LRMDA: variants seen among roughly 807,000 people sequenced by gnomAD.
The protein encoded by LRMDA is leucine rich melanocyte differentiation associated, also known as leucine-rich melanocyte differentiation-associated protein.
In LRMDA, 18 loss-of-function variants were observed where a neutral mutation model predicts 29.8. The ratio of observed to expected loss-of-function variants is 0.60; its 90% confidence interval spans 0.42 to 0.90. LRMDA has a LOEUF of 0.90. Ranked by LOEUF, LRMDA falls within the 40% of genes least tolerant of loss-of-function variation. The pLI, the probability that LRMDA is intolerant of heterozygous loss-of-function variation, is 0.00. For missense variants in LRMDA, 273 were observed against 273.9 expected, an observed-to-expected ratio of 1.00 and a Z score of 0.02; for synonymous variants, 125 against 109.4, an observed-to-expected ratio of 1.14 and a Z score of -0.89.
intron 5 of LRMDA, among the ~76,000 whole-genome samples, chr10:76,074,784 T>C (rs1184054196): frequency 6.6e-6 from 1 of 152,178 alleles, no homozygotes; most frequent in African/African-American, 2.4e-5. Flanking sequence ...TGATGTGTTA[T>C]GGAAAGAATA....
At chr10:75,767,583 C>T (rs1284404494) in intron 2 of LRMDA, among the ~76,000 whole-genome samples, 1 of 152,154 alleles carries the variant, frequency 6.6e-6, no homozygotes, top group East Asian at 1.9e-4. Flanking sequence ...GACTGTCATT[C>T]ATTCATCTGC....
chr10:76,100,685 T>C (rs930446036), intron 5 of LRMDA, among the ~76,000 whole-genome samples: 9 of 152,218 alleles, frequency 5.9e-5, no homozygotes, highest in Non-Finnish European at 1.3e-4. Context: ...TCAGATACAG[T>C]ATGCCCCCAG....
intron 2 of LRMDA, among the ~76,000 whole-genome samples, chr10:75,692,218 AAATAT>A (rs1235345923): frequency 0.053 from 2,332 of 43,882 alleles, 53 homozygotes; most frequent in African/African-American, 0.13. Flanking sequence ...GAAAAAAAAA[AAATAT>A]ATATATATAT....
chr10:76,473,023 T>C (rs1842633526), intron 6 of LRMDA, among the ~76,000 whole-genome samples: 1 of 151,648 alleles, frequency 6.6e-6, no homozygotes, highest in Non-Finnish European at 1.5e-5. Flanking sequence ...ATTTATTCTC[T>C]GAGCCCACCA....
At chr10:75,455,500 T>C (rs947412265) in intron 2 of LRMDA, among the ~76,000 whole-genome samples, 1 of 152,218 alleles carries the variant, frequency 6.6e-6, no homozygotes, top group Non-Finnish European at 1.5e-5. Flanking sequence ...CCCTGTGGAC[T>C]TTGAGAACCT....
intron 2 of LRMDA, among the ~76,000 whole-genome samples, chr10:75,977,169 A>G (rs973152417): frequency 1.0e-4 from 15 of 150,310 alleles, no homozygotes; most frequent in Non-Finnish European, 2.1e-4. Context: ...ATTGTGGGAA[A>G]TATTTTGTTT....
intron 2 of LRMDA, among the ~76,000 whole-genome samples, chr10:75,641,049 A>G (rs1841447343): frequency 6.6e-6 from 1 of 152,236 alleles, no homozygotes; most frequent in Admixed American, 6.5e-5. Context: ...TAGAGGTGGA[A>G]AAACACTTTA....
chr10:75,828,057 T>C (rs1844276550), intron 2 of LRMDA, among the ~76,000 whole-genome samples: 1 of 152,206 alleles, frequency 6.6e-6, no homozygotes, highest in Non-Finnish European at 1.5e-5. Context: ...AAATGTAGTC[T>C]TGGGACTGAT....
chr10:76,133,969 G>C lies in LRMDA; in HGVS notation c.516+75186G>C, dbSNP rs142224699. Among the ~76,000 whole-genome samples the C allele has an allele frequency of 1.3e-4, 20 of 152,304 alleles. No homozygotes were observed. The East Asian group carries it at 3.9e-3, about 29-fold the overall frequency. ...CAGAACTGTCTGGTCAGTCAGCTCTGCCACAGGCCCTGGCTTTGCCAAAGC... is the reference window on the plus strand; with the variant it reads ...CAGAACTGTCTGGTCAGTCAGCTCTCCCACAGGCCCTGGCTTTGCCAAAGC... On this transcript the variant is annotated intron_variant, in intron 5 of 6. Transcript: ENST00000611255.
At chr10:75,670,381 A>G (rs1841876459) in intron 2 of LRMDA, among the ~76,000 whole-genome samples, 1 of 137,866 alleles carries the variant, frequency 7.3e-6, no homozygotes, top group East Asian at 2.1e-4. Flanking sequence ...CCCTCTAACC[A>G]GAGCATTTTT....
intron 2 of LRMDA, among the ~76,000 whole-genome samples, chr10:75,825,563 C>T (rs896686136): frequency 5.3e-5 from 8 of 151,952 alleles, no homozygotes; most frequent in South Asian, 2.1e-4. Context: ...TGGGAGAGCC[C>T]GAGCTTACCA....
chr10:76,244,777 TACATCCCACCA>T (rs1852344526), intron 5 of LRMDA, among the ~76,000 whole-genome samples: 1 of 152,202 alleles, frequency 6.6e-6, no homozygotes, highest in South Asian at 2.1e-4. Flanking sequence ...CGTGATTGAT[TACATCCCACCA>T]AATGCAGGCT....
chr10:76,139,852 G>C (rs1204598077), intron 5 of LRMDA, among the ~76,000 whole-genome samples: 1 of 151,992 alleles, frequency 6.6e-6, no homozygotes, highest in African/African-American at 2.4e-5. Context: ...AGTTTTCTTA[G>C]ACCATATCAG....
intron 2 of LRMDA, among the ~76,000 whole-genome samples, chr10:75,721,527 A>G (rs1208003953): frequency 2.0e-5 from 3 of 152,152 alleles, no homozygotes; most frequent in East Asian, 1.9e-4. Flanking sequence ...CTTGACTTTT[A>G]CAATGGAAAA....
intron 5 of LRMDA, among the ~76,000 whole-genome samples, chr10:76,106,335 A>G (rs116276140): frequency 0.013 from 2,001 of 152,320 alleles, 37 homozygotes; most frequent in African/African-American, 0.043. Flanking sequence ...CACTATGCTT[A>G]ACAGCTTAAA....
intron 5 of LRMDA, among the ~76,000 whole-genome samples, chr10:76,173,005 C>T (rs1394136713): frequency 6.6e-6 from 1 of 151,930 alleles, no homozygotes; most frequent in Non-Finnish European, 1.5e-5. Flanking sequence ...GCTATTATAA[C>T]TCTATCCTGT....
intron 2 of LRMDA, chr10:75,742,868 A>T (rs1842846870): frequency 6.6e-6 from 1 of 152,248 alleles, no homozygotes; most frequent in Non-Finnish European, 1.5e-5. Flanking sequence ...GGTGACTTTA[A>T]TAGCAGCTGG....
chr10:76,153,049 C>T (rs1260517878), intron 5 of LRMDA, among the ~76,000 whole-genome samples: 2 of 152,138 alleles, frequency 1.3e-5, no homozygotes, highest in East Asian at 3.9e-4. Context: ...CCATGTTGGT[C>T]ATGCTGGTCT....
chr10:76,384,851 C>T (rs1442563488), intron 6 of LRMDA, among the ~76,000 whole-genome samples: 2 of 152,200 alleles, frequency 1.3e-5, no homozygotes. Flanking sequence ...TTCTAGGTCT[C>T]TGCCAATATC....
Sources: allele counts gnomAD v4.1 joint callset (sites outside exome capture counted in the v4.1 genomes callset), GRCh38; gene constraint gnomAD v4.1.1; transcripts MANE v1.5; gene names NCBI Gene and HGNC (gene_info 2026-07-23, HGNC 2026-07-21).